EME1: variants seen among roughly 807,000 people sequenced by gnomAD.
The protein encoded by EME1 is essential meiotic structure-specific endonuclease 1.
Under a neutral mutation model 59.1 loss-of-function variants are expected in EME1, and 61 were observed. That is an observed-to-expected ratio of 1.03 (90% CI 0.84 to 1.28). EME1 has a LOEUF of 1.28. Ranked by LOEUF, EME1 falls within the 50% of genes most tolerant of loss-of-function variation. The pLI, the probability that EME1 is intolerant of heterozygous loss-of-function variation, is 0.00. For missense variants in EME1, 635 were observed against 682.6 expected, an observed-to-expected ratio of 0.93 and a Z score of 0.78; for synonymous variants, 230 against 254.2, an observed-to-expected ratio of 0.90 and a Z score of 0.90.
chr17:50,381,472 AG>A lies in EME1; in HGVS notation c.*535del, dbSNP rs1461614839. The A allele has an allele frequency of 1.3e-5, 2 of 157,332 alleles. No homozygotes were observed. Among genetic ancestry groups the A allele is most frequent in the African/African-American group, 4.8e-5 (2 of 41,478 alleles). The allele number at this position is 157,332 out of a possible 1,614,324, so 9.7% of individuals were successfully genotyped here. ...TTGTACCAATGGCTCTGGAGCTTGGAGGAAGACTAAAGGAATGTGTAGTGAT... is the reference window on the plus strand; with the variant it reads ...TTGTACCAATGGCTCTGGAGCTTGGAGAAGACTAAAGGAATGTGTAGTGAT... On this transcript the variant is annotated 3_prime_UTR_variant, in exon 9 of 9. Coordinates refer to ENST00000338165, the MANE Select transcript of EME1 (RefSeq NM_152463.4).
Position 50,375,539 on chromosome 17 carries a change from A to G in EME1, c.331A>G (p.Ser111Gly), listed in dbSNP as rs370330243. ...TCKFLTHKQLSPEDSSSPVKS... is the reference protein window; with the variant it reads ...TCKFLTHKQLGPEDSSSPVKS... Reference sequence around the variant, plus strand: ...TAAGTTTCTGACCCACAAGCAACTGAGCCCTGAGGACTCTAGCTCCCCAGT... The same window carrying G: ...TAAGTTTCTGACCCACAAGCAACTGGGCCCTGAGGACTCTAGCTCCCCAGT... Residue 111 changes from serine (S) to glycine (G), a missense_variant, in exon 2 of 9, where the codon AGC becomes GGC. By Grantham distance (56) the Ser-to-Gly change is moderately conservative. Coordinates refer to ENST00000338165, the MANE Select transcript of EME1 (RefSeq NM_152463.4). The G allele has an allele frequency of 2.5e-6, 4 of 1,614,106 alleles. No homozygotes were observed. Among genetic ancestry groups the G allele is most frequent in the Non-Finnish European group, 3.4e-6 (4 of 1,180,006 alleles).
intron 7 of EME1, chr17:50,379,862 G>T (rs1426858280): frequency 5.3e-6 from 2 of 378,126 alleles, no homozygotes; most frequent in Non-Finnish European, 9.7e-6. Flanking sequence ...AGATCACAAT[G>T]TAATAAGCAC....
In EME1 at chr17:50,375,785, C is replaced by G. The variant is rs1913426759; in HGVS notation, c.577C>G (p.Leu193Val). ...AGTAACCAAAACAAATTCTGACATC[C>G]TTCCACCCCAGAAGAAAACCAAGCC... Reference protein sequence around the residue: ...LAVTKTNSDILPPQKKTKPSQ... With the variant: ...LAVTKTNSDIVPPQKKTKPSQ... The change falls in exon 2 of 9, where the codon CTT becomes GTT. Residue 193 changes from leucine (L) to valine (V), a missense_variant. Leu to Val is a conservative substitution (Grantham distance 32, BLOSUM62 1). Coordinates refer to ENST00000338165, the MANE Select transcript of EME1 (RefSeq NM_152463.4). 1 of 1,614,078 alleles carries G rather than the reference C, an allele frequency of 6.2e-7. No homozygotes were observed. The highest frequency in any genetic ancestry group is 8.5e-7 in the Non-Finnish European group (1 of 1,180,046).
intron 1 of EME1, among the ~76,000 whole-genome samples, chr17:50,374,555 A>G (rs1370370296): frequency 6.6e-6 from 1 of 152,106 alleles, no homozygotes; most frequent in Non-Finnish European, 1.5e-5. Context: ...TCAATTTTTA[A>G]AAAGAACAGT....
At chr17:50,377,605 C>A (rs1567816226) in intron 3 of EME1, among the ~76,000 whole-genome samples, 1 of 152,154 alleles carries the variant, frequency 6.6e-6, no homozygotes, top group Non-Finnish European at 1.5e-5. Context: ...CACAAAAAAA[C>A]CTATCTGTTT....
Position 50,378,888 on chromosome 17 carries a change from T to C in EME1, c.1105T>C (p.Cys369Arg), listed in dbSNP as rs947285448. 1.9e-6 allele frequency: 3 copies of C among 1,614,098 alleles called. No individual in the cohort carries two copies. The highest frequency in any genetic ancestry group is 1.3e-5 in the African/African-American group (1 of 74,980). Residue 369 changes from cysteine (C) to arginine (R), a missense_variant, in exon 5 of 9, where the codon TGC becomes CGC. By Grantham distance (180) the Cys-to-Arg change is radical. Coordinates refer to ENST00000338165, the MANE Select transcript of EME1 (RefSeq NM_152463.4). ...ACTGGTGATTGTGGATCAGGAGAAA[T>C]GCTTCAGGTTTGGATTTGCCCTGGT... Reference protein sequence around the residue: ...LSLVIVDQEKCFSAQNPPRRG... With the variant: ...LSLVIVDQEKRFSAQNPPRRG...
At chr17:50,379,289 T>TA (rs1258482014) in intron 6 of EME1, 65 bp downstream of exon 6, 3 of 1,606,796 alleles carry the variant, frequency 1.9e-6, no homozygotes, top group Non-Finnish European at 2.6e-6. Flanking sequence ...TTGCTATTGA[T>TA]AGAGAATAAA....
chr17:50,375,993 T>C lies in EME1; in HGVS notation c.775+10T>C, dbSNP rs1913443336. The C allele has an allele frequency of 6.2e-7, 1 of 1,605,752 alleles. No individual in the cohort carries two copies. The highest frequency in any genetic ancestry group is 8.5e-7 in the Non-Finnish European group (1 of 1,173,910). On this transcript the variant is annotated intron_variant, in intron 2 of 8. Coordinates refer to ENST00000338165, the MANE Select transcript of EME1 (RefSeq NM_152463.4). ...GTAGTGCTGGATCCAGGTCCTCACA[T>C]GTGTCTTTGTCCTGTGCTGAGTTAT... is the stretch of plus-strand genomic sequence containing the variant.
At chr17:50,376,888 C>T (rs115708585) in intron 3 of EME1, among the ~76,000 whole-genome samples, 1 of 152,260 alleles carries the variant, frequency 6.6e-6, no homozygotes, top group Admixed American at 6.5e-5. Context: ...CATGTGGGCC[C>T]TGTGTTTTTT....
intron 1 of EME1, among the ~76,000 whole-genome samples, chr17:50,374,226 C>CT (rs1567814080): frequency 6.6e-6 from 1 of 152,044 alleles, no homozygotes; most frequent in East Asian, 1.9e-4. Flanking sequence ...AATTATATCT[C>CT]TATTTTTATT....
intron 7 of EME1, 45 bp from the exon 8 acceptor site, chr17:50,380,266 AG>A: frequency 6.5e-7 from 1 of 1,545,998 alleles, no homozygotes; most frequent in South Asian, 1.2e-5. Flanking sequence ...GAACAGGTGT[AG>A]AAGAGTAATG....
At chr17:50,379,597 T>TGGAG in intron 7 of EME1, 30 bp downstream of exon 7, 2 of 1,582,998 alleles carry the variant, frequency 1.3e-6, no homozygotes, top group Non-Finnish European at 1.7e-6. Flanking sequence ...CCAGCCTCCA[T>TGGAG]GCTGGGCCTG....
rs1188872222 is a variant in EME1 at position 50,378,778 on chromosome 17, GC to G, written c.997del (p.Leu333TrpfsTer5). 3.7e-6 allele frequency: 6 copies of G among 1,614,112 alleles called. No individual in the cohort carries two copies. The South Asian group carries it at 5.5e-5, about 15-fold the overall frequency. On this transcript the variant is annotated frameshift_variant, in exon 5 of 9. Transcript: ENST00000338165. LOFTEE classifies it high-confidence loss of function. ...VSMIDNGKQG[S>X]LDSTMKGKET... ...AGTTTCTGCCCCTTCATGCAGGGAA[GC>G]CTGGACAGCACTATGAAAGGGAAGG...
At position 50,380,301 on chromosome 17, in the gene EME1, C is replaced by T. The variant is rs201117442; in HGVS notation, c.1347-11C>T. The T allele has an allele frequency of 2.0e-3, 3,150 of 1,591,420 alleles. 4 individuals are homozygous for T. The highest frequency in any genetic ancestry group is 2.5e-3 in the Non-Finnish European group (2,959 of 1,168,558). ...TGAGCAACTTACAGCTCTCCAACCA[C>T]GCTGTTGCAGGAAGCTCCGAGATGA... On this transcript the variant is annotated splice_polypyrimidine_tract_variant and intron_variant, in intron 7 of 8. Transcript: ENST00000338165.
At chr17:50,378,192 G>A (rs1436684878) in intron 3 of EME1, among the ~76,000 whole-genome samples, 4 of 151,322 alleles carry the variant, frequency 2.6e-5, no homozygotes, top group Admixed American at 2.6e-4. Flanking sequence ...TCAGTCTCCC[G>A]AGTAGCTGGG....
intron 7 of EME1, 56 bp downstream of exon 7, chr17:50,379,623 C>T (rs891960327): frequency 1.3e-6 from 2 of 1,482,446 alleles, no homozygotes; most frequent in South Asian, 1.2e-5. Flanking sequence ...TACCATGGCT[C>T]TTGCAGTCAA....
At chr17:50,379,726 G>C in intron 7 of EME1, 159 bp downstream of exon 7, 1 of 635,292 alleles carries the variant, frequency 1.6e-6, no homozygotes, top group Non-Finnish European at 2.7e-6. Flanking sequence ...GGATTCTTGG[G>C]AAGAGTCCTC....
intron 1 of EME1, among the ~76,000 whole-genome samples, chr17:50,374,823 G>A (rs1219148187): frequency 4.0e-5 from 6 of 151,706 alleles, no homozygotes; most frequent in South Asian, 2.1e-4. Context: ...CAACGTGGGT[G>A]CCAGAGTGAG....
intron 6 of EME1, 113 bp downstream of exon 6, chr17:50,379,337 T>A: frequency 6.3e-7 from 1 of 1,585,788 alleles, no homozygotes. Flanking sequence ...TGGCACTGAC[T>A]AAGAGAAGGT....
Sources: gnomAD v4.1 joint callset for allele counts (sites outside exome capture counted in the v4.1 genomes callset) on GRCh38, gnomAD v4.1.1 for gene constraint, MANE v1.5 for transcripts, NCBI Gene and HGNC (gene_info 2026-07-23, HGNC 2026-07-21) for gene names.